Variants in WWOX observed in about 807,000 individuals in gnomAD.
WWOX encodes the protein WW domain-containing oxidoreductase.
WWOX carries 69 observed loss-of-function variants against 46.2 expected under a neutral mutation model. That is an observed-to-expected ratio of 1.49 (90% confidence interval 1.23 to 1.82). The LOEUF (loss-of-function observed/expected upper bound fraction) is 1.82. Among genes scored for constraint, WWOX ranks in the 40% most tolerant of loss-of-function variants. The pLI is 0.00. For synonymous variants in WWOX, 359 were observed against 202.6 expected (o/e 1.77, Z -6.56); for missense variants, 919 against 542.6 (o/e 1.69, Z -6.89).
intron 8 of WWOX, among the ~76,000 whole-genome samples, chr16:79,000,960 A>C (rs555911937): frequency 3.9e-5 from 6 of 152,164 alleles, no homozygotes; most frequent in Admixed American, 6.5e-5. Flanking sequence ...GTGTGGTTCA[A>C]CTATGAGATT....
intron 8 of WWOX, among the ~76,000 whole-genome samples, chr16:78,947,094 C>A: frequency 1.3e-5 from 2 of 149,026 alleles, no homozygotes; most frequent in Non-Finnish European, 3.0e-5. Flanking sequence ...CTCAATAAAT[C>A]CCTGTGGAAA....
intron 5 of WWOX, among the ~76,000 whole-genome samples, chr16:78,252,303 C>T (rs1197094048): frequency 1.3e-5 from 2 of 152,170 alleles, no homozygotes; most frequent in African/African-American, 4.8e-5. Flanking sequence ...TATGTGCATA[C>T]ACATACATTG....
At chr16:78,591,667 C>T (rs1024159834) in intron 8 of WWOX, among the ~76,000 whole-genome samples, 5 of 152,158 alleles carry the variant, frequency 3.3e-5, no homozygotes, top group African/African-American at 9.7e-5. Context: ...ATGAGCATAA[C>T]CATATCAGTT....
intron 8 of WWOX, among the ~76,000 whole-genome samples, chr16:78,972,265 A>G (rs1266826609): frequency 6.6e-6 from 1 of 152,168 alleles, no homozygotes. Context: ...GCTGTTTGTA[A>G]CATTGAATAC....
chr16:78,645,749 G>A (rs1190028729), intron 8 of WWOX, among the ~76,000 whole-genome samples: 1 of 152,138 alleles, frequency 6.6e-6, no homozygotes, highest in Non-Finnish European at 1.5e-5. Flanking sequence ...TCCAACATTG[G>A]AGATCAAATT....
At chr16:79,165,021 T>C (rs908357783) in intron 8 of WWOX, among the ~76,000 whole-genome samples, 1 of 152,174 alleles carries the variant, frequency 6.6e-6, no homozygotes, top group Non-Finnish European at 1.5e-5. Flanking sequence ...GTATAGACTT[T>C]TAACCTCTAT....
rs571042575 is a variant in WWOX, at chr16:78,716,842, C to A, written c.1056+284090C>A. ...TGAGCTTACCCTCCCTACGCAACCA[C>A]AGCTGTGTGCAGCTTCAGCCAGGTT... On this transcript the variant is annotated intron_variant, in intron 8 of 8. Coordinates refer to ENST00000566780, the MANE Select transcript of WWOX (RefSeq NM_016373.4). Among the ~76,000 whole-genome samples the A allele has an allele frequency of 1.2e-4, 19 of 152,312 alleles. No individual in the cohort carries two copies. The South Asian group carries it at 3.9e-3, about 32-fold the overall frequency.
At chr16:78,964,832 T>C (rs1039884703) in intron 8 of WWOX, among the ~76,000 whole-genome samples, 2 of 152,194 alleles carry the variant, frequency 1.3e-5, no homozygotes, top group Non-Finnish European at 2.9e-5. Context: ...CCTAGGGACT[T>C]GGTGCCCTGT....
intron 8 of WWOX, among the ~76,000 whole-genome samples, chr16:79,132,219 A>G (rs772181362): frequency 1.3e-5 from 2 of 151,816 alleles, no homozygotes; most frequent in African/African-American, 2.4e-5. Context: ...TATTTAAATC[A>G]TTGCTGCTGG....
chr16:78,874,142 G>C (rs1317528005), intron 8 of WWOX, among the ~76,000 whole-genome samples: 2 of 151,738 alleles, frequency 1.3e-5, no homozygotes, highest in East Asian at 1.9e-4. Context: ...TGTAATCCCA[G>C]CTACTCGAGT....
intron 8 of WWOX, among the ~76,000 whole-genome samples, chr16:79,201,703 G>C (rs1597470875): frequency 6.6e-6 from 1 of 150,920 alleles, no homozygotes; most frequent in African/African-American, 2.4e-5. Flanking sequence ...ATTGAAGAGT[G>C]AATGTTGCTC....
chr16:78,774,954 T>C (rs535873028), intron 8 of WWOX, among the ~76,000 whole-genome samples: 2 of 152,214 alleles, frequency 1.3e-5, no homozygotes, highest in South Asian at 2.1e-4. Flanking sequence ...CTGTAGCAGA[T>C]ATTTGTGGTG....
At chr16:78,944,085 T>TTTTG (rs895646144) in intron 8 of WWOX, among the ~76,000 whole-genome samples, 34 of 152,052 alleles carry the variant, frequency 2.2e-4, no homozygotes, top group South Asian at 8.3e-4. Flanking sequence ...TCCTCCTGGG[T>TTTTG]TTTGTTTGTT....
intron 8 of WWOX, among the ~76,000 whole-genome samples, chr16:78,616,261 GT>G (rs568049079): frequency 6.6e-6 from 1 of 151,814 alleles, no homozygotes; most frequent in Non-Finnish European, 1.5e-5. Flanking sequence ...GTTTGTCTTA[GT>G]TTTTTTGGGC....
intron 5 of WWOX, among the ~76,000 whole-genome samples, chr16:78,372,234 C>A (rs1035977448): frequency 3.9e-5 from 6 of 152,140 alleles, no homozygotes; most frequent in Admixed American, 2.6e-4. Flanking sequence ...CACTTTTCTT[C>A]CAAAGGCAGA....
intron 8 of WWOX, among the ~76,000 whole-genome samples, chr16:78,903,387 G>A (rs1391365007): frequency 1.3e-5 from 2 of 152,188 alleles, no homozygotes; most frequent in Middle Eastern, 3.2e-3. Flanking sequence ...CGAAGACTCC[G>A]CCTCCAGTCA....
intron 8 of WWOX, among the ~76,000 whole-genome samples, chr16:78,672,982 C>A (rs1416610076): frequency 6.6e-6 from 1 of 152,238 alleles, no homozygotes; most frequent in South Asian, 2.1e-4. Context: ...GCCCCGGCCA[C>A]CGCCGCCGTG....
intron 2 of WWOX, among the ~76,000 whole-genome samples, chr16:78,108,730 G>GT (rs2032310354): frequency 6.6e-6 from 1 of 152,256 alleles, no homozygotes; most frequent in African/African-American, 2.4e-5. Flanking sequence ...GCTCATGCCT[G>GT]TAATCCCAGC....
chr16:78,419,039 C>G (rs1190854214), intron 6 of WWOX, among the ~76,000 whole-genome samples: 2 of 152,118 alleles, frequency 1.3e-5, no homozygotes, highest in Admixed American at 1.3e-4. Context: ...ATCACCTTAT[C>G]TGTAGAAAAT....
Sources: allele counts gnomAD v4.1 joint callset (sites outside exome capture counted in the v4.1 genomes callset), GRCh38; gene constraint gnomAD v4.1.1; transcripts MANE v1.5; gene names NCBI Gene and HGNC (gene_info 2026-07-23, HGNC 2026-07-21).